The following CNIH3 variants were observed in gnomAD, a reference collection of about 807,000 sequenced individuals.
The protein encoded by CNIH3 is protein cornichon homolog 3.
Under a neutral mutation model 24.1 loss-of-function variants are expected in CNIH3, and 14 were observed. That is an observed-to-expected ratio of 0.58 (90% CI 0.38 to 0.91). The LOEUF is 0.91. CNIH3 is among the 40% of genes least tolerant of loss of function. CNIH3 has a pLI of 0.00. For synonymous variants in CNIH3, 68 were observed against 73.8 expected (o/e 0.92, Z 0.40); for missense variants, 178 against 196.8 (o/e 0.90, Z 0.57).
intron 1 of CNIH3, among the ~76,000 whole-genome samples, chr1:224,467,742 T>A (rs1676205604): frequency 6.6e-6 from 1 of 151,770 alleles, no homozygotes; most frequent in South Asian, 2.1e-4. Flanking sequence ...AGTTTTGATA[T>A]CAAGTTGAAG....
chr1:224,702,010 T>C (rs1307902164), intron 3 of CNIH3, among the ~76,000 whole-genome samples: 1 of 152,224 alleles, frequency 6.6e-6, no homozygotes, highest in Non-Finnish European at 1.5e-5. Flanking sequence ...AAAGCTGGGT[T>C]TGTATCCTCC....
chr1:224,444,446 C>T (rs1307452814), intron 1 of CNIH3, among the ~76,000 whole-genome samples: 1 of 152,068 alleles, frequency 6.6e-6, no homozygotes, highest in East Asian at 1.9e-4. Context: ...GCAACCTCTG[C>T]CTTCTGGGTT....
intron 1 of CNIH3, chr1:224,662,009 ATTC>A (rs1202457772): frequency 6.5e-6 from 1 of 152,808 alleles, no homozygotes; most frequent in African/African-American, 2.4e-5. Flanking sequence ...TAGAATTCCT[ATTC>A]TTAGTAACCT....
chr1:224,733,620 G>A (rs774874411), intron 4 of CNIH3, among the ~76,000 whole-genome samples: 42 of 152,292 alleles, frequency 2.8e-4, no homozygotes, highest in Non-Finnish European at 4.4e-4. Flanking sequence ...TTAATCTCCC[G>A]GTCGGAGCCC....
intron 3 of CNIH3, among the ~76,000 whole-genome samples, chr1:224,547,302 A>G (rs1488067440): frequency 6.6e-6 from 1 of 152,130 alleles, no homozygotes; most frequent in Non-Finnish European, 1.5e-5. Flanking sequence ...CAAATATCAC[A>G]GTGGGTGTAC....
intron 3 of CNIH3, among the ~76,000 whole-genome samples, chr1:224,689,940 G>C (rs975343443): frequency 3.3e-5 from 5 of 152,128 alleles, no homozygotes; most frequent in African/African-American, 1.2e-4. Flanking sequence ...ACAAAGTGCA[G>C]GTTTGGGAGC....
At chr1:224,583,483 C>T (rs371195227) in intron 5 of CNIH3, among the ~76,000 whole-genome samples, 24 of 152,062 alleles carry the variant, frequency 1.6e-4, no homozygotes, top group Admixed American at 7.2e-4. Context: ...TCAACTCTCC[C>T]GTTCATTATT....
intron 1 of CNIH3, among the ~76,000 whole-genome samples, chr1:224,506,269 ACGCGCGCG>A (rs760624445): frequency 1.2e-4 from 16 of 130,752 alleles, no homozygotes; most frequent in African/African-American, 3.0e-4. Context: ...ATGCACGCAC[ACGCGCGCG>A]CGCGCGCGCG....
At chr1:224,484,171 C>CAAAA (rs35380158) in intron 1 of CNIH3, among the ~76,000 whole-genome samples, 1 of 140,446 alleles carries the variant, frequency 7.1e-6, no homozygotes, top group African/African-American at 2.7e-5. Flanking sequence ...AACTCTGTCT[C>CAAAA]AAAAAAAAAA....
intron 1 of CNIH3, among the ~76,000 whole-genome samples, chr1:224,651,962 G>C (rs1203841849): frequency 1.3e-5 from 2 of 152,072 alleles, no homozygotes; most frequent in Non-Finnish European, 2.9e-5. Context: ...CTTTTTCCCT[G>C]CTTCCTCAAC....
intron 1 of CNIH3, among the ~76,000 whole-genome samples, chr1:224,676,178 T>C (rs1380506065): frequency 1.3e-5 from 2 of 152,252 alleles, no homozygotes; most frequent in African/African-American, 4.8e-5. Flanking sequence ...AAACCATTGA[T>C]ATAGGCAACA....
chr1:224,532,780 C>T (rs1244567147), intron 2 of CNIH3, among the ~76,000 whole-genome samples: 1 of 152,114 alleles, frequency 6.6e-6, no homozygotes, highest in African/African-American at 2.4e-5. Flanking sequence ...TCTACTAATG[C>T]TAAATGCTGT....
At chr1:224,737,267 A>T (rs1045303913) in intron 5 of CNIH3, among the ~76,000 whole-genome samples, 16 of 151,870 alleles carry the variant, frequency 1.1e-4, no homozygotes, top group African/African-American at 3.6e-4. Flanking sequence ...TCTCGGTTAG[A>T]TGGGTGTGAT....
chr1:224,625,774 G>A lies in CNIH3; in HGVS notation c.81+8519G>A, dbSNP rs1195872585. Among the ~76,000 whole-genome samples, 4 of 152,160 alleles carry A rather than the reference G, an allele frequency of 2.6e-5. No homozygotes were observed. The East Asian group carries it at 7.7e-4, about 29-fold the overall frequency. On this transcript the variant is annotated intron_variant, in intron 1 of 5. Transcript: ENST00000272133. ...CACCAAAGAAGACGAGCTGTGACAG[G>A]AAAGGGCTGTCAGATGGTGACTGTA... is the stretch of plus-strand genomic sequence containing the variant.
chr1:224,614,549 T>C (rs1289086699), upstream of CNIH3, among the ~76,000 whole-genome samples: 1 of 152,200 alleles, frequency 6.6e-6, no homozygotes. Context: ...TGGTGGTGCA[T>C]GCCTGTAGTC....
chr1:224,574,952 A>G (rs1295872320), intron 4 of CNIH3: 29 of 902,526 alleles, frequency 3.2e-5, no homozygotes, highest in Non-Finnish European at 4.7e-5. Context: ...AGAGGATCTT[A>G]AACAAACCTG....
At chr1:224,609,433 T>C (rs1296119497) in intron 3 of CNIH3, among the ~76,000 whole-genome samples, 6 of 151,294 alleles carry the variant, frequency 4.0e-5, no homozygotes, top group African/African-American at 1.5e-4. Context: ...GCAGAGTATC[T>C]TTGTGGTGGG....
intron 3 of CNIH3, among the ~76,000 whole-genome samples, chr1:224,712,198 G>T (rs1688193082): frequency 6.6e-6 from 1 of 152,218 alleles, no homozygotes; most frequent in Non-Finnish European, 1.5e-5. Flanking sequence ...ACCTTTAGCA[G>T]TTGTTCCCAA....
At chr1:224,474,471 T>A (rs1676489792) in intron 1 of CNIH3, among the ~76,000 whole-genome samples, 1 of 151,908 alleles carries the variant, frequency 6.6e-6, no homozygotes. Flanking sequence ...GGGAAGTTTA[T>A]GGGTATCAGT....
Sources: allele counts gnomAD v4.1 joint callset (sites outside exome capture counted in the v4.1 genomes callset), GRCh38; gene constraint gnomAD v4.1.1; transcripts MANE v1.5; gene names NCBI Gene and HGNC (gene_info 2026-07-23, HGNC 2026-07-21).